UHRF1: variants seen among roughly 807,000 people sequenced by gnomAD.
The protein encoded by UHRF1 is ubiquitin like with PHD and ring finger domains 1.
In UHRF1, 9 loss-of-function variants were observed where a neutral mutation model predicts 96.5. That is an observed-to-expected ratio of 0.09 (90% CI 0.06 to 0.16). The LOEUF (loss-of-function observed/expected upper bound fraction) is 0.16. Among genes scored for constraint, UHRF1 ranks in the 10% least tolerant of loss-of-function variants. The pLI, the probability that UHRF1 is intolerant of heterozygous loss-of-function variation, is 1.00. For missense variants in UHRF1, 626 were observed against 1,131.1 expected (o/e 0.55, Z 6.40); for synonymous variants, 455 against 469.9 (o/e 0.97, Z 0.41).
chr19:4,942,037 T>A, intron 7 of UHRF1, 106 bp downstream of exon 7: 1 of 1,250,466 alleles, frequency 8.0e-7, no homozygotes, highest in Non-Finnish European at 1.0e-6. Context: ...GGCTCACGCC[T>A]GCAATCCCAG....
chr19:4,935,843 C>G (rs1245559421), intron 5 of UHRF1, among the ~76,000 whole-genome samples: 1 of 152,122 alleles, frequency 6.6e-6, no homozygotes, highest in Non-Finnish European at 1.5e-5. Flanking sequence ...GTTGTGGGGC[C>G]ACCTTAGGCT....
chr19:4,938,730 GTTTTTTTTTTTTTTTTTTTT>G (rs71170880), intron 5 of UHRF1, among the ~76,000 whole-genome samples: 2 of 61,566 alleles, frequency 3.2e-5, no homozygotes, highest in African/African-American at 7.1e-5. Flanking sequence ...TTTTGGTCAG[GTTTTTTTTTTTTTTTTTTTT>G]TTTTTTTTTT....
At position 4,954,026 on chromosome 19, in the gene UHRF1, G is replaced by A. The variant is rs2033787313; in HGVS notation, c.1819-324G>A. Among the ~76,000 whole-genome samples, 1 of 152,162 alleles carries A rather than the reference G, an allele frequency of 6.6e-6. No individual in the cohort carries two copies. Among genetic ancestry groups the A allele is most frequent in the African/African-American group, 2.4e-5 (1 of 41,462 alleles). ...GATGCAATGTTTCATCATGCAGTGT[G>A]CGTGATGTGAGGTGGCTGTAAAGGG... On this transcript the variant is annotated intron_variant, in intron 13 of 16. Coordinates refer to ENST00000650932, the MANE Select transcript of UHRF1 (RefSeq NM_001048201.3). This position sits in a 1 kb window ranked among gnomAD's most constrained non-coding sequence, Gnocchi z 5.9.
intron 11 of UHRF1, among the ~76,000 whole-genome samples, chr19:4,949,884 T>C (rs1038100068): frequency 5.3e-5 from 8 of 152,066 alleles, no homozygotes; most frequent in Non-Finnish European, 1.2e-4. Flanking sequence ...GTTTTGTTTT[T>C]TTTGAGGCAG....
intron 2 of UHRF1, among the ~76,000 whole-genome samples, chr19:4,923,237 G>A (rs954770422): frequency 6.6e-6 from 1 of 152,154 alleles, no homozygotes; most frequent in African/African-American, 2.4e-5. Context: ...TCTGAGTCTG[G>A]CAGGACAGAG....
intron 2 of UHRF1, among the ~76,000 whole-genome samples, 166 bp from the exon 3 acceptor site, chr19:4,929,056 C>T (rs187097583): frequency 3.3e-5 from 5 of 152,170 alleles, no homozygotes; most frequent in East Asian, 1.9e-4. Flanking sequence ...CGCTTGTGAG[C>T]GGGACAGCCC....
chr19:4,947,033 T>C (rs1201897178), intron 10 of UHRF1, 72 bp from the exon 11 acceptor site: 2 of 1,198,366 alleles, frequency 1.7e-6, no homozygotes, highest in African/African-American at 3.1e-5. Flanking sequence ...CTGGGGAGTT[T>C]GCTTTCAATG....
chr19:4,956,899 C>T, intron 16 of UHRF1, 86 bp downstream of exon 16: 1 of 961,990 alleles, frequency 1.0e-6, no homozygotes, highest in Non-Finnish European at 1.6e-6. Context: ...CCACTACAGA[C>T]AGAGGCTTGT....
At position 4,911,057 on chromosome 19, in the gene UHRF1, C is replaced by A. The variant is rs934304673; in HGVS notation, c.153+19C>A. 6.4e-7 allele frequency: 1 copy of A among 1,558,928 alleles called. No individual in the cohort carries two copies. The highest frequency in any genetic ancestry group is 8.7e-7 in the Non-Finnish European group (1 of 1,147,696). On this transcript the variant is annotated intron_variant, in intron 2 of 16. Coordinates refer to ENST00000650932, the MANE Select transcript of UHRF1 (RefSeq NM_001048201.3). ...CAAACAGGTACACCCGCCGCCAGCA[C>A]CTTTGTTCTATGCCTGGTCCAGGCC...
Position 4,944,417 on chromosome 19 carries a change from C to T in UHRF1, c.1272C>T (p.Ile424=), listed in dbSNP as rs756022467. 1 of 1,614,014 alleles carries T rather than the reference C, an allele frequency of 6.2e-7. No individual in the cohort carries two copies. Among genetic ancestry groups the T allele is most frequent in the African/African-American group, 1.3e-5 (1 of 75,068 alleles). Residue 424 remains isoleucine, a synonymous_variant, in exon 9 of 17, where the codon ATC becomes ATT. Transcript: ENST00000650932. ...PSNHYGPIPG[I]PVGTMWRFRV... The stretch of plus-strand genomic sequence containing the variant: ...ACCACTACGGACCCATCCCGGGGAT[C>T]CCCGTGGGCACCATGTGGCGGTTCC...
At chr19:4,945,595 C>T (rs1212549318) in intron 9 of UHRF1, among the ~76,000 whole-genome samples, 6 of 151,752 alleles carry the variant, frequency 4.0e-5, no homozygotes, top group East Asian at 1.9e-4. Context: ...AGAGGAGCAT[C>T]GGAGATCAGC....
intron 2 of UHRF1, 87 bp downstream of exon 2, chr19:4,911,125 C>CG (rs891376397): frequency 1.5e-6 from 2 of 1,302,088 alleles, no homozygotes; most frequent in African/African-American, 3.0e-5. Context: ...TCCCTCCCAC[C>CG]TCCCCCCCCA....
intron 7 of UHRF1, 53 bp downstream of exon 7, chr19:4,941,984 C>T (rs2145175094): frequency 1.4e-6 from 2 of 1,429,890 alleles, no homozygotes; most frequent in Non-Finnish European, 1.8e-6. Context: ...CTACAAATCC[C>T]CAGAGGGGCA....
chr19:4,938,214 G>T (rs1226594996), intron 5 of UHRF1, among the ~76,000 whole-genome samples: 1 of 152,078 alleles, frequency 6.6e-6, no homozygotes, highest in Non-Finnish European at 1.5e-5. Context: ...GATGTCTTCT[G>T]GAGGAGCTTT....
intron 13 of UHRF1, 54 bp downstream of exon 13, chr19:4,951,050 T>TG: frequency 6.6e-7 from 1 of 1,513,156 alleles, no homozygotes; most frequent in Admixed American, 2.3e-5. Flanking sequence ...ATGGATCACT[T>TG]ACGTTAGGAG....
upstream of UHRF1, among the ~76,000 whole-genome samples, chr19:4,907,778 T>C (rs1289080747): frequency 1.4e-5 from 2 of 147,506 alleles, no homozygotes; most frequent in Non-Finnish European, 3.0e-5. Context: ...AATGGCGCGA[T>C]CTTGGCTCAC....
chr19:4,947,462 TC>T (rs1326177028), intron 11 of UHRF1, among the ~76,000 whole-genome samples: 4 of 141,432 alleles, frequency 2.8e-5, no homozygotes, highest in Non-Finnish European at 6.1e-5. Flanking sequence ...AAAGCAAACT[TC>T]CCTATAAAAG....
chr19:4,918,715 GTT>G (rs536401524), intron 2 of UHRF1, among the ~76,000 whole-genome samples: 200 of 115,324 alleles, frequency 1.7e-3, no homozygotes, highest in African/African-American at 6.5e-3. Flanking sequence ...TGCCCAGCTG[GTT>G]TTTTTTTTTT....
intron 5 of UHRF1, among the ~76,000 whole-genome samples, chr19:4,940,358 G>GCTT (rs2033353512): frequency 1.2e-5 from 1 of 85,150 alleles, no homozygotes; most frequent in Non-Finnish European, 2.4e-5. Flanking sequence ...TTGCCTTTAT[G>GCTT]ATTTTTTTTT....
Sources: gnomAD v4.1 joint callset for allele counts (sites outside exome capture counted in the v4.1 genomes callset) on GRCh38, gnomAD v4.1.1 for gene constraint, Gnocchi (gnomAD v3.1) non-coding constraint, MANE v1.5 for transcripts, NCBI Gene and HGNC (gene_info 2026-07-23, HGNC 2026-07-21) for gene names.